Variants in RPS6KB1 observed in about 807,000 individuals in gnomAD.
RPS6KB1 encodes ribosomal protein S6 kinase beta-1.
Under a neutral mutation model 70.2 loss-of-function variants are expected in RPS6KB1, and 12 were observed. The observed-to-expected ratio is 0.17, with a 90% CI of 0.11 to 0.28. The LOEUF (loss-of-function observed/expected upper bound fraction) is 0.28, where lower values mean the gene tolerates loss of function less well. Among genes scored for constraint, RPS6KB1 ranks in the 10% least tolerant of loss-of-function variants. RPS6KB1 has a pLI of 1.00. For missense variants in RPS6KB1, 270 were observed against 646.6 expected (o/e 0.42, Z 6.32); for synonymous variants, 175 against 211.2 (o/e 0.83, Z 1.49).
intron 1 of RPS6KB1, among the ~76,000 whole-genome samples, chr17:59,901,625 G>GAAAAAAAAAAA (rs58530265): frequency 2.9e-4 from 23 of 79,136 alleles, no homozygotes; most frequent in Admixed American, 4.8e-4. Flanking sequence ...CCCTGTCTCT[G>GAAAAAAAAAAA]AAAAAAAAAA....
At chr17:59,943,890 TTATATATATATATATACACA>T (rs1324015995) in intron 13 of RPS6KB1, among the ~76,000 whole-genome samples, 3 of 132,430 alleles carry the variant, frequency 2.3e-5, no homozygotes, top group Admixed American at 8.0e-5. Flanking sequence ...AAAAAAAAAA[TTATATATATATATATACACA>T]TATATATATA....
In RPS6KB1 at chr17:59,947,222, CTT is replaced by C; in HGVS notation, c.*438_*439del. 1 of 1,027,914 alleles carries C rather than the reference CTT, an allele frequency of 9.7e-7. No individual in the cohort carries two copies. Among genetic ancestry groups the C allele is most frequent in the Non-Finnish European group, 1.2e-6 (1 of 858,112 alleles). 63.7% of individuals were successfully genotyped at this position (1,027,914 alleles called of 1,614,324 possible). ...AAATTAGCATGCAAGCTTGGTCAAA[CTT>C]TTTCCAGCAAAATGGAAGCAAAGAC... On this transcript the variant is annotated 3_prime_UTR_variant, in exon 15 of 15. Coordinates refer to ENST00000225577, the MANE Select transcript of RPS6KB1 (RefSeq NM_003161.4).
chr17:59,922,517 A>G (rs1355668419), intron 4 of RPS6KB1, among the ~76,000 whole-genome samples: 1 of 94,290 alleles, frequency 1.1e-5, no homozygotes, highest in African/African-American at 4.1e-5. Context: ...TTTTTTCTAT[A>G]TTGTCATTAG....
chr17:59,946,676 G>A lies in RPS6KB1; in HGVS notation c.1466G>A (p.Ser489Asn). 1 of 1,614,180 alleles carries A rather than the reference G, an allele frequency of 6.2e-7. No individual in the cohort carries two copies. The highest frequency in any genetic ancestry group is 8.5e-7 in the Non-Finnish European group (1 of 1,180,030). Reference sequence around the variant, plus strand: ...ATAGAGCAGATGGATGTGACAATGAGTGGGGAAGCATCGGCACCACTTCCA... The same window carrying A: ...ATAGAGCAGATGGATGTGACAATGAATGGGGAAGCATCGGCACCACTTCCA... ...SGIEQMDVTM[S>N]GEASAPLPIR... The change falls in exon 15 of 15, where the codon AGT becomes AAT. Residue 489 changes from serine to asparagine, a missense_variant. Coordinates refer to ENST00000225577, the MANE Select transcript of RPS6KB1 (RefSeq NM_003161.4). This position sits in a 1 kb window ranked among gnomAD's most constrained non-coding sequence, Gnocchi z 4.2.
intron 4 of RPS6KB1, among the ~76,000 whole-genome samples, chr17:59,917,468 C>T (rs2144839081): frequency 6.6e-6 from 1 of 152,194 alleles, no homozygotes; most frequent in Middle Eastern, 3.4e-3. Flanking sequence ...GACAGGGTCT[C>T]ACTCTGTTTC....
At chr17:59,911,844 C>T (rs1171065990) in intron 2 of RPS6KB1, among the ~76,000 whole-genome samples, 2 of 152,108 alleles carry the variant, frequency 1.3e-5, no homozygotes, top group African/African-American at 4.8e-5. Flanking sequence ...GATCCGCCCA[C>T]CTCAGCCTCC....
chr17:59,941,859 CTTTT>C (rs1197414948), intron 13 of RPS6KB1, among the ~76,000 whole-genome samples: 1 of 117,038 alleles, frequency 8.5e-6, no homozygotes. Context: ...GTCTCGATTT[CTTTT>C]TTTTTTTTTT....
chr17:59,923,109 G>T (rs1225264586), intron 4 of RPS6KB1, among the ~76,000 whole-genome samples: 1 of 151,196 alleles, frequency 6.6e-6, no homozygotes, highest in Non-Finnish European at 1.5e-5. Flanking sequence ...TGATCTGCCC[G>T]CCTCAGCCTC....
chr17:59,911,254 TTG>T (rs2042614879), intron 2 of RPS6KB1, among the ~76,000 whole-genome samples: 3 of 152,248 alleles, frequency 2.0e-5, no homozygotes, highest in Admixed American at 2.0e-4. Context: ...CTGCTCTGTA[TTG>T]TACTCTCAAG....
At chr17:59,894,713 T>A (rs192286392) in intron 1 of RPS6KB1, among the ~76,000 whole-genome samples, 22 of 152,252 alleles carry the variant, frequency 1.4e-4, no homozygotes, top group Non-Finnish European at 2.6e-4. Flanking sequence ...TAAGCGATTG[T>A]CATGGCTCAG....
Position 59,950,540 on chromosome 17 carries a change from A to G in RPS6KB1, c.*3752A>G, listed in dbSNP as rs1208079229. On this transcript the variant is annotated 3_prime_UTR_variant, in exon 15 of 15. Coordinates refer to ENST00000225577, the MANE Select transcript of RPS6KB1 (RefSeq NM_003161.4). Reference sequence around the variant, plus strand: ...ATGTCAGATGTGTTCAAGTTGTCATATAAATAAACTATGTATGTAAGGAAT... The same window carrying G: ...ATGTCAGATGTGTTCAAGTTGTCATGTAAATAAACTATGTATGTAAGGAAT... The G allele has an allele frequency of 6.6e-6, 1 of 152,146 alleles. No homozygotes were observed. Among genetic ancestry groups the G allele is most frequent in the East Asian group, 1.9e-4 (1 of 5,204 alleles). The allele number at this position is 152,146 out of a possible 1,614,324, so 9.4% of individuals were successfully genotyped here. A position where few individuals can be genotyped will look rare whatever the true frequency, so the allele number is the denominator to read the frequency against.
At chr17:59,941,178 G>T (rs1424706852) in intron 13 of RPS6KB1, among the ~76,000 whole-genome samples, 4 of 151,476 alleles carry the variant, frequency 2.6e-5, no homozygotes, top group African/African-American at 4.9e-5. Context: ...TGGAAAGTAT[G>T]ATTCCCTTTT....
At chr17:59,906,425 C>T (rs770436272) in intron 1 of RPS6KB1, among the ~76,000 whole-genome samples, 17 of 152,038 alleles carry the variant, frequency 1.1e-4, no homozygotes, top group Admixed American at 2.6e-4. Context: ...TGTGCAGTGG[C>T]GCGATCTCGG....
intron 4 of RPS6KB1, among the ~76,000 whole-genome samples, chr17:59,920,229 G>A (rs191346429): frequency 2.6e-5 from 4 of 152,152 alleles, no homozygotes; most frequent in Admixed American, 2.6e-4. Context: ...TGTTGGCCAG[G>A]CTGGTCTCGA....
At chr17:59,910,773 A>G (rs992464560) in intron 2 of RPS6KB1, among the ~76,000 whole-genome samples, 162 bp downstream of exon 2, 2 of 152,202 alleles carry the variant, frequency 1.3e-5, no homozygotes, top group Non-Finnish European at 2.9e-5. Flanking sequence ...TCTGATCAAT[A>G]TAACCTATCA....
rs2044140316 is a variant in RPS6KB1, at chr17:59,934,837, G to A, written c.870+313G>A. On this transcript the variant is annotated intron_variant, in intron 9 of 14. Coordinates refer to ENST00000225577, the MANE Select transcript of RPS6KB1 (RefSeq NM_003161.4). This position sits in a 1 kb window ranked among gnomAD's most constrained non-coding sequence, Gnocchi z 4.8. ...TCACTTATCACACAGAAAGTTAATG[G>A]TGGAAACACAGGCTTCCTTCCAGGA... 2 of 381,586 alleles carry A rather than the reference G, an allele frequency of 5.2e-6. No individual in the cohort carries two copies. Among genetic ancestry groups the A allele is most frequent in the Non-Finnish European group, 9.4e-6 (2 of 211,862 alleles). The allele number at this position is 381,586 out of a possible 1,614,324, so 23.6% of individuals were successfully genotyped here.
intron 4 of RPS6KB1, among the ~76,000 whole-genome samples, chr17:59,918,637 T>C (rs1020331024): frequency 6.6e-6 from 1 of 152,144 alleles, no homozygotes; most frequent in African/African-American, 2.4e-5. Flanking sequence ...CCCAAAGTGC[T>C]GGGATTACAG....
At chr17:59,910,356 T>C (rs2042562922) in intron 1 of RPS6KB1, among the ~76,000 whole-genome samples, 2 of 152,098 alleles carry the variant, frequency 1.3e-5, no homozygotes, top group Admixed American at 6.6e-5. Flanking sequence ...CTCATCTCTA[T>C]TTGTAAAATA....
In RPS6KB1 at chr17:59,934,731, T is replaced by A; in HGVS notation, c.870+207T>A. 1.9e-6 allele frequency: 1 copy of A among 521,924 alleles called. No homozygotes were observed. Among genetic ancestry groups the A allele is most frequent in the Non-Finnish European group, 3.4e-6 (1 of 297,168 alleles). The allele number at this position is 521,924 out of a possible 1,614,324, so 32.3% of individuals were successfully genotyped here. On this transcript the variant is annotated intron_variant, in intron 9 of 14. Coordinates refer to ENST00000225577, the MANE Select transcript of RPS6KB1 (RefSeq NM_003161.4). The surrounding 1 kb of genome is among the most constrained non-coding windows in gnomAD (Gnocchi z 4.8). ...ATTTTCTTTTAAATGATCTATGTCA[T>A]GGCAGGCCTGTGAAATAGATGTTGA...
Sources: allele counts gnomAD v4.1 joint callset (sites outside exome capture counted in the v4.1 genomes callset), GRCh38; gene constraint gnomAD v4.1.1; non-coding constraint Gnocchi (gnomAD v3.1); transcripts MANE v1.5; gene names NCBI Gene and HGNC (gene_info 2026-07-23, HGNC 2026-07-21).